MAP2K5: variants seen among roughly 807,000 people sequenced by gnomAD.
MAP2K5 encodes mitogen-activated protein kinase kinase 5.
Under a neutral mutation model 83.1 loss-of-function variants are expected in MAP2K5, and 49 were observed. The observed-to-expected ratio is 0.59, with a 90% CI of 0.47 to 0.75. The LOEUF is 0.75. Among genes scored for constraint, MAP2K5 ranks in the 30% least tolerant of loss-of-function variants. The pLI is 0.00. For missense variants in MAP2K5, 457 were observed against 557.5 expected, an observed-to-expected ratio of 0.82 and a Z score of 1.82; for synonymous variants, 202 against 191.8, an observed-to-expected ratio of 1.05 and a Z score of -0.44.
chr15:67,752,477 AG>A (rs1294781858), intron 19 of MAP2K5, among the ~76,000 whole-genome samples: 3 of 151,706 alleles, frequency 2.0e-5, no homozygotes, highest in Non-Finnish European at 4.4e-5. Flanking sequence ...CAGGGGTTCG[AG>A]GCCAGCCTAA....
chr15:67,631,204 C>A (rs2086465897), intron 9 of MAP2K5, among the ~76,000 whole-genome samples: 1 of 152,166 alleles, frequency 6.6e-6, no homozygotes, highest in South Asian at 2.1e-4. Context: ...CACCATCTTC[C>A]TTGTCATGCA....
At chr15:67,798,502 T>TGTG (rs1313841701) in intron 21 of MAP2K5, among the ~76,000 whole-genome samples, 2 of 152,198 alleles carry the variant, frequency 1.3e-5, no homozygotes, top group East Asian at 3.9e-4. Context: ...ACACTGGTCC[T>TGTG]GCGGCTGCTC....
Position 67,758,948 on chromosome 15 carries a change from G to A in MAP2K5, c.1134+10347G>A, listed in dbSNP as rs2089895396. On this transcript the variant is annotated intron_variant, in intron 19 of 21. Transcript: ENST00000178640. This position sits in a 1 kb window ranked among gnomAD's most constrained non-coding sequence, Gnocchi z 4.7. ...ACTTAGCATTGCAGACATGCTCAAA[G>A]GGCATACGTGTTTTGCAACTCAGTT... is the stretch of plus-strand genomic sequence containing the variant. 6.6e-6 allele frequency among the ~76,000 whole-genome samples: 1 copy of A among 152,176 alleles called. No individual in the cohort carries two copies. Among genetic ancestry groups the A allele is most frequent in the Non-Finnish European group, 1.5e-5 (1 of 68,036 alleles).
chr15:67,671,520 A>G (rs1010598768), intron 13 of MAP2K5, among the ~76,000 whole-genome samples: 1 of 152,226 alleles, frequency 6.6e-6, no homozygotes, highest in African/African-American at 2.4e-5. Context: ...CATGTTATCA[A>G]ATCAAAAGGC....
At chr15:67,800,956 T>C (rs1267614589) in intron 21 of MAP2K5, among the ~76,000 whole-genome samples, 2 of 152,228 alleles carry the variant, frequency 1.3e-5, no homozygotes, top group Non-Finnish European at 2.9e-5. Flanking sequence ...CAGTATTCAG[T>C]GTAACCCTTT....
At chr15:67,669,041 C>T (rs2087458639) in intron 13 of MAP2K5, among the ~76,000 whole-genome samples, 1 of 152,086 alleles carries the variant, frequency 6.6e-6, no homozygotes, top group Admixed American at 6.6e-5. Context: ...TGGCTTTTCT[C>T]TTTTATAAAT....
At chr15:67,634,367 CAAAAAAAAAAAAAAAAAAAAAAAAAAAA>C (rs71142390) in intron 9 of MAP2K5, among the ~76,000 whole-genome samples, 3 of 48,574 alleles carry the variant, frequency 6.2e-5, no homozygotes, top group Non-Finnish European at 8.1e-5. Flanking sequence ...GACCTCATCT[CAAAAAAAAAAAAAAAAAAAAAAAAAAAA>C]AAAAAAAAAA....
intron 14 of MAP2K5, among the ~76,000 whole-genome samples, chr15:67,693,131 G>A (rs528532321): frequency 4.6e-5 from 7 of 152,190 alleles, no homozygotes; most frequent in Non-Finnish European, 1.0e-4. Context: ...AGCGTATTTA[G>A]TGTTCATTTC....
At chr15:67,611,248 C>T (rs1021067873) in intron 8 of MAP2K5, among the ~76,000 whole-genome samples, 5 of 151,874 alleles carry the variant, frequency 3.3e-5, no homozygotes, top group Non-Finnish European at 7.4e-5. Context: ...GCCAATGAAA[C>T]TTTATAAGTG....
chr15:67,749,982 A>G lies in MAP2K5; in HGVS notation c.1134+1381A>G. On this transcript the variant is annotated intron_variant, in intron 19 of 21. Coordinates refer to ENST00000178640, the MANE Select transcript of MAP2K5 (RefSeq NM_145160.3). This position sits in a 1 kb window ranked among gnomAD's most constrained non-coding sequence, Gnocchi z 4.6. ...TCCTAGGCATCAGAACATCCAGGTA[A>G]AGGCATTCCTCACCAATACTATGTG... 6.6e-6 allele frequency among the ~76,000 whole-genome samples: 1 copy of G among 152,214 alleles called. No homozygotes were observed.
chr15:67,791,238 C>G lies in MAP2K5; in HGVS notation c.1243-15408C>G, dbSNP rs1453302772. Among the ~76,000 whole-genome samples the G allele has an allele frequency of 2.6e-5, 4 of 152,172 alleles. No homozygotes were observed. In the East Asian group the frequency reaches 7.7e-4, roughly 29 times the overall value. ...GAAGAGGAGACTCTTCTGCATTAAA[C>G]AGGAAAAGGGGCATTGGAGTTGAGG... On this transcript the variant is annotated intron_variant, in intron 21 of 21. Coordinates refer to ENST00000178640, the MANE Select transcript of MAP2K5 (RefSeq NM_145160.3).
At chr15:67,581,375 G>C (rs921910284) in intron 4 of MAP2K5, among the ~76,000 whole-genome samples, 1 of 152,188 alleles carries the variant, frequency 6.6e-6, no homozygotes, top group South Asian at 2.1e-4. Context: ...CACTTGGTCA[G>C]ATAATTTTCT....
chr15:67,646,079 G>C (rs370294661), intron 9 of MAP2K5, 152 bp from the exon 10 acceptor site: 4 of 475,638 alleles, frequency 8.4e-6, no homozygotes, highest in East Asian at 3.4e-5. Flanking sequence ...GACAGATGCA[G>C]ATACAGCTTG....
At position 67,779,635 on chromosome 15, in the gene MAP2K5, C is replaced by T. The variant is rs780616451; in HGVS notation, c.1242+6883C>T. On this transcript the variant is annotated intron_variant, in intron 21 of 21. Coordinates refer to ENST00000178640, the MANE Select transcript of MAP2K5 (RefSeq NM_145160.3). The surrounding 1 kb of genome is among the most constrained non-coding windows in gnomAD (Gnocchi z 4.6). ...AGCATAGCTTTTTTCCTCCATCAGT[C>T]AAGTCAGATCTCTTAGTATGATGAT... Among the ~76,000 whole-genome samples the T allele has an allele frequency of 6.6e-6, 1 of 152,256 alleles. No homozygotes were observed. The highest frequency in any genetic ancestry group is 1.5e-5 in the Non-Finnish European group (1 of 68,046).
At chr15:67,632,639 CATGGTTCATCTCCAAT>C (rs1200119121) in intron 9 of MAP2K5, among the ~76,000 whole-genome samples, 1 of 152,216 alleles carries the variant, frequency 6.6e-6, no homozygotes, top group Non-Finnish European at 1.5e-5. Flanking sequence ...TCTATCTTTT[CATGGTTCATCTCCAAT>C]ATGCCTTTTT....
intron 20 of MAP2K5, among the ~76,000 whole-genome samples, chr15:67,771,245 CACAA>C (rs2090136456): frequency 1.3e-5 from 2 of 151,738 alleles, no homozygotes; most frequent in Admixed American, 6.6e-5. Context: ...AAAATTGAAA[CACAA>C]ACCATGCGAT....
At position 67,640,640 on chromosome 15, in the gene MAP2K5, C is replaced by T. The variant is rs1481839041; in HGVS notation, c.586-5591C>T. ...AGCAAAGTGGTCAGTTGGACCCACA[C>T]TTTGAATGTCTATGGGCACAATTAG... On this transcript the variant is annotated intron_variant, in intron 9 of 21. Coordinates refer to ENST00000178640, the MANE Select transcript of MAP2K5 (RefSeq NM_145160.3). This position sits in a 1 kb window ranked among gnomAD's most constrained non-coding sequence, Gnocchi z 4.6. The T allele has an allele frequency of 2.1e-6, 2 of 955,602 alleles. No homozygotes were observed. Among genetic ancestry groups the T allele is most frequent in the African/African-American group, 3.5e-5 (2 of 56,662 alleles). The allele number at this position is 955,602 out of a possible 1,614,324, so 59.2% of individuals were successfully genotyped here.
At chr15:67,576,771 A>G (rs1209307126) in intron 3 of MAP2K5, among the ~76,000 whole-genome samples, 1 of 147,598 alleles carries the variant, frequency 6.8e-6, no homozygotes, top group Non-Finnish European at 1.5e-5. Context: ...AAATGCTGCA[A>G]CACTTCTAAG....
chr15:67,743,951 A>G (rs1025792412), intron 17 of MAP2K5, among the ~76,000 whole-genome samples: 2 of 152,122 alleles, frequency 1.3e-5, no homozygotes, highest in Non-Finnish European at 2.9e-5. Context: ...TCTTACTCCA[A>G]AGTTCATGCG....
Sources: allele counts gnomAD v4.1 joint callset (sites outside exome capture counted in the v4.1 genomes callset), GRCh38; gene constraint gnomAD v4.1.1; non-coding constraint Gnocchi (gnomAD v3.1); transcripts MANE v1.5; gene names NCBI Gene and HGNC (gene_info 2026-07-23, HGNC 2026-07-21).